Variants in TRABD2A observed in about 807,000 individuals in gnomAD.
TRABD2A encodes the protein metalloprotease TIKI1.
A neutral mutation model predicts 45.6 loss-of-function variants in TRABD2A; 43 were observed. The ratio of observed to expected loss-of-function variants is 0.94; its 90% CI spans 0.74 to 1.22. The LOEUF (loss-of-function observed/expected upper bound fraction) is 1.22. Ranked by LOEUF, TRABD2A falls within the 50% of genes most tolerant of loss-of-function variation. The probability of loss-of-function intolerance (pLI) is 0.00; values close to 1 mark genes in which losing one functional copy is unlikely to be tolerated. For missense variants in TRABD2A, 642 were observed against 652.4 expected (o/e 0.98, Z 0.17); for synonymous variants, 269 against 265.0 (o/e 1.02, Z -0.15).
In TRABD2A at chr2:84,824,179, G is replaced by T. The variant is rs754667701; in HGVS notation, c.1108C>A (p.Arg370=). 2 of 1,613,936 alleles carry T rather than the reference G, an allele frequency of 1.2e-6. No individual in the cohort carries two copies. The highest frequency in any genetic ancestry group is 3.3e-5 in the Admixed American group (2 of 60,022). Residue 370 remains arginine (R), a synonymous_variant, in exon 6 of 7, where the codon CGG becomes AGG. Transcript: ENST00000409520. The part of the protein sequence containing the change: ...HKGKSKKTST[R]PTLSTIFAPK... Reference sequence around the variant, plus strand: ...GCAAAGATGGTGGACAGAGTGGGCCGTGTGGAGGTCTTTTTACTCTTCCCT... The same window carrying T: ...GCAAAGATGGTGGACAGAGTGGGCCTTGTGGAGGTCTTTTTACTCTTCCCT...
intron 1 of TRABD2A, among the ~76,000 whole-genome samples, chr2:84,876,437 A>T (rs1683029338): frequency 1.3e-5 from 2 of 152,224 alleles, no homozygotes; most frequent in Admixed American, 1.3e-4. Flanking sequence ...CCGATTGAAG[A>T]AAGTACTTCA....
intron 1 of TRABD2A, 129 bp from the exon 2 acceptor site, chr2:84,870,914 CG>C (rs1223002010): frequency 1.1e-6 from 1 of 935,308 alleles, no homozygotes; most frequent in Non-Finnish European, 1.6e-6. Flanking sequence ...CTTTTGAGTC[CG>C]TGTAGATTCA....
At chr2:84,844,822 TCTGA>T (rs1681831911) in intron 2 of TRABD2A, among the ~76,000 whole-genome samples, 1 of 152,348 alleles carries the variant, frequency 6.6e-6, no homozygotes, top group East Asian at 1.9e-4. Flanking sequence ...AAATCCTCAG[TCTGA>T]CTGGCTCACA....
chr2:84,864,063 C>G (rs975494357), intron 2 of TRABD2A, among the ~76,000 whole-genome samples: 1 of 151,540 alleles, frequency 6.6e-6, no homozygotes, highest in Non-Finnish European at 1.5e-5. Context: ...GATGGGGAAG[C>G]CAGAATCCCT....
At chr2:84,828,387 TG>T (rs1681209893) in intron 5 of TRABD2A, among the ~76,000 whole-genome samples, 1 of 152,226 alleles carries the variant, frequency 6.6e-6, no homozygotes, top group Non-Finnish European at 1.5e-5. Context: ...AAGTTCCACA[TG>T]ACCAGAATCA....
chr2:84,836,986 G>GTTTTTTTTTTTTT (rs57910749), intron 4 of TRABD2A: 1 of 85,994 alleles, frequency 1.2e-5, no homozygotes, highest in African/African-American at 4.9e-5. Flanking sequence ...TAATTTTAGG[G>GTTTTTTTTTTTTT]TTTTTTTTTT....
intron 4 of TRABD2A, chr2:84,837,707 G>A (rs1003309339): frequency 6.6e-6 from 1 of 152,402 alleles, no homozygotes; most frequent in African/African-American, 2.4e-5. Context: ...TGTGAGTTTG[G>A]GGGCATGTAT....
At chr2:84,824,266 A>T (rs117451170) in intron 5 of TRABD2A, 62 bp from the exon 6 acceptor site, 3 of 1,594,252 alleles carry the variant, frequency 1.9e-6, no homozygotes, top group Non-Finnish European at 2.6e-6. Context: ...CGCCCTCCCC[A>T]GCTCTCTTAC....
intron 4 of TRABD2A, chr2:84,832,485 A>C (rs1681371969): frequency 3.7e-6 from 1 of 268,510 alleles, no homozygotes; most frequent in Admixed American, 4.5e-5. Context: ...CTGAAAGGTG[A>C]GGACACTGGT....
At chr2:84,828,518 G>C (rs1192278) in intron 5 of TRABD2A, among the ~76,000 whole-genome samples, 20,956 of 152,124 alleles carry the variant, frequency 0.14, 1,463 homozygotes, top group African/African-American at 0.17. Context: ...CCACTTCCCT[G>C]GGCCCTTAGC....
chr2:84,823,084 A>G (rs762172257), intron 6 of TRABD2A, among the ~76,000 whole-genome samples: 1 of 152,134 alleles, frequency 6.6e-6, no homozygotes, highest in Non-Finnish European at 1.5e-5. Context: ...CCCTGCGTCT[A>G]CTGATCCAGA....
chr2:84,828,125 C>T (rs2105371605), intron 5 of TRABD2A, among the ~76,000 whole-genome samples: 1 of 152,234 alleles, frequency 6.6e-6, no homozygotes, highest in Middle Eastern at 3.4e-3. Flanking sequence ...AACAGGAACC[C>T]CATCTCTTTC....
At position 84,870,428 on chromosome 2, in the gene TRABD2A, T is replaced by C. The variant is rs1483160140; in HGVS notation, c.466A>G (p.Ile156Val). ...GLYADYLFNAIAGNWERKRPV... is the reference protein window; with the variant it reads ...GLYADYLFNAVAGNWERKRPV... ...CTCTTGCGCTCCCAGTTTCCGGCAA[T>C]AGCATTGAAGAGGTAGTCTGCGTAG... Residue 156 changes from isoleucine to valine, a missense_variant, in exon 2 of 7, where the codon ATT (isoleucine) becomes GTT (valine). Ile to Val is a conservative substitution (Grantham distance 29). Transcript: ENST00000409520. 1 of 1,613,870 alleles carries C rather than the reference T, an allele frequency of 6.2e-7. No individual in the cohort carries two copies. The highest frequency in any genetic ancestry group is 8.5e-7 in the Non-Finnish European group (1 of 1,179,902).
intron 4 of TRABD2A, among the ~76,000 whole-genome samples, chr2:84,838,916 G>A (rs890759461): frequency 6.6e-6 from 1 of 152,194 alleles, no homozygotes; most frequent in Admixed American, 6.5e-5. Flanking sequence ...TATGTGTGGA[G>A]AGAGCTATGG....
At position 84,835,707 on chromosome 2, in the gene TRABD2A, A is replaced by G. The variant is rs2105376817; in HGVS notation, c.991+3442T>C. Among the ~76,000 whole-genome samples, 3 of 152,258 alleles carry G rather than the reference A, an allele frequency of 2.0e-5. No homozygotes were observed. In the South Asian group the frequency reaches 6.2e-4, roughly 32 times the overall value. On this transcript the variant is annotated intron_variant, in intron 4 of 6. Coordinates refer to ENST00000409520, the MANE Select transcript of TRABD2A (RefSeq NM_001277053.2). ...GCTGGGATTACAGGCATGCACCACC[A>G]TGTCCAGCTGAGGGCCTTCTTCCTG...
chr2:84,838,585 C>T (rs1038011086), intron 4 of TRABD2A, among the ~76,000 whole-genome samples: 3 of 152,230 alleles, frequency 2.0e-5, no homozygotes, highest in Non-Finnish European at 4.4e-5. Context: ...GATCTTTCTG[C>T]ATACTGTCCA....
At chr2:84,879,859 G>C (rs1019951438) in intron 1 of TRABD2A, among the ~76,000 whole-genome samples, 12 of 152,294 alleles carry the variant, frequency 7.9e-5, no homozygotes, top group African/African-American at 2.6e-4. Flanking sequence ...CTATTTGGCC[G>C]TCCTCTGCTT....
chr2:84,870,852 G>A (rs1682854074), intron 1 of TRABD2A, 67 bp from the exon 2 acceptor site: 3 of 1,383,488 alleles, frequency 2.2e-6, no homozygotes, highest in South Asian at 1.5e-5. Context: ...ACCTGTGAGA[G>A]GAAATGAATC....
intron 2 of TRABD2A, among the ~76,000 whole-genome samples, chr2:84,854,875 G>A (rs1682222508): frequency 6.6e-6 from 1 of 152,084 alleles, no homozygotes; most frequent in Admixed American, 6.6e-5. Context: ...CCACCTCTGG[G>A]GAAAAGCTCC....
Sources: allele counts gnomAD v4.1 joint callset (sites outside exome capture counted in the v4.1 genomes callset), GRCh38; gene constraint gnomAD v4.1.1; transcripts MANE v1.5; gene names NCBI Gene and HGNC (gene_info 2026-07-23, HGNC 2026-07-21).